WWOX: variants seen among roughly 807,000 people sequenced by gnomAD.
WWOX encodes WW domain containing oxidoreductase.
In WWOX, 69 loss-of-function variants were observed where a neutral mutation model predicts 46.2. The ratio of observed to expected loss-of-function variants is 1.49; its 90% CI spans 1.23 to 1.82. WWOX has a LOEUF of 1.82. Ranked by LOEUF, WWOX falls within the 40% of genes most tolerant of loss-of-function variation. The pLI is 0.00. For synonymous variants in WWOX, 359 were observed against 202.6 expected, an observed-to-expected ratio of 1.77 and a Z score of -6.56; for missense variants, 919 against 542.6, an observed-to-expected ratio of 1.69 and a Z score of -6.89.
At chr16:78,900,855 AAAAAAAG>A (rs2044814159) in intron 8 of WWOX, among the ~76,000 whole-genome samples, 2 of 151,864 alleles carry the variant, frequency 1.3e-5, no homozygotes, top group South Asian at 4.1e-4. Flanking sequence ...TTGAAAAAAA[AAAAAAAG>A]AAAAAGATAG....
At chr16:78,334,804 A>G (rs550336085) in intron 5 of WWOX, among the ~76,000 whole-genome samples, 5,886 of 57,912 alleles carry the variant, frequency 0.1, 383 homozygotes, top group African/African-American at 0.29. Flanking sequence ...ACACACACAC[A>G]CACGCACACA....
intron 5 of WWOX, among the ~76,000 whole-genome samples, chr16:78,201,887 G>C (rs1003307701): frequency 1.1e-4 from 17 of 151,864 alleles, no homozygotes; most frequent in African/African-American, 4.1e-4. Flanking sequence ...TTTTAGTAGA[G>C]ACGGGATTTT....
intron 8 of WWOX, among the ~76,000 whole-genome samples, chr16:79,166,129 A>G (rs933790541): frequency 2.0e-5 from 3 of 152,178 alleles, no homozygotes; most frequent in African/African-American, 7.2e-5. Flanking sequence ...GCCGAAGTCC[A>G]TTCTTGACTT....
chr16:78,731,403 C>G (rs938309904), intron 8 of WWOX, among the ~76,000 whole-genome samples: 2 of 152,104 alleles, frequency 1.3e-5, no homozygotes, highest in East Asian at 3.9e-4. Context: ...TACTACGGCT[C>G]CTTGGGAAAT....
At chr16:78,649,611 G>A (rs1244951286) in intron 8 of WWOX, among the ~76,000 whole-genome samples, 2 of 152,156 alleles carry the variant, frequency 1.3e-5, no homozygotes, top group African/African-American at 4.8e-5. Context: ...CATGACCTTG[G>A]CCTTTCCCAC....
intron 8 of WWOX, among the ~76,000 whole-genome samples, chr16:79,172,204 C>A (rs1055419610): frequency 6.6e-6 from 1 of 152,098 alleles, no homozygotes; most frequent in Non-Finnish European, 1.5e-5. Flanking sequence ...AAAATAATGC[C>A]CTTGTTTTAT....
chr16:79,019,179 A>AG (rs2047479184), intron 8 of WWOX, among the ~76,000 whole-genome samples: 3 of 53,988 alleles, frequency 5.6e-5, no homozygotes, highest in Admixed American at 3.6e-4. Context: ...AAAAAAAAAA[A>AG]AAAAAAGAAA....
chr16:79,009,506 C>T (rs1319636624), intron 8 of WWOX, among the ~76,000 whole-genome samples: 3 of 151,942 alleles, frequency 2.0e-5, no homozygotes, highest in Non-Finnish European at 2.9e-5. Context: ...TTCGCTGTGT[C>T]ACCTAGGCTG....
chr16:78,322,624 G>C (rs540305763), intron 5 of WWOX, among the ~76,000 whole-genome samples: 140 of 152,308 alleles, frequency 9.2e-4, no homozygotes, highest in African/African-American at 3.2e-3. Flanking sequence ...ATCTTCTGAA[G>C]CAACTCTTCA....
At chr16:78,149,549 C>T (rs1369189837) in intron 4 of WWOX, among the ~76,000 whole-genome samples, 1 of 152,196 alleles carries the variant, frequency 6.6e-6, no homozygotes, top group African/African-American at 2.4e-5. Context: ...CTGAAGAGAC[C>T]TCAATTCTGT....
intron 5 of WWOX, among the ~76,000 whole-genome samples, chr16:78,199,399 A>G (rs569662660): frequency 2.6e-5 from 4 of 152,316 alleles, no homozygotes; most frequent in South Asian, 2.1e-4. Context: ...ACTGTAAAAT[A>G]TGAGAAGCAA....
intron 8 of WWOX, among the ~76,000 whole-genome samples, chr16:78,935,447 C>T (rs1011341734): frequency 1.3e-5 from 2 of 152,100 alleles, no homozygotes; most frequent in African/African-American, 2.4e-5. Context: ...GAGTTCATGT[C>T]TCTTGTAGGG....
intron 8 of WWOX, among the ~76,000 whole-genome samples, chr16:79,172,922 G>A (rs1038593638): frequency 2.0e-5 from 3 of 152,044 alleles, no homozygotes; most frequent in African/African-American, 7.2e-5. Context: ...TCAGGGGGCT[G>A]AGGCAGGAAG....
At chr16:78,551,651 C>G (rs1034784948) in intron 8 of WWOX, 1 of 149,024 alleles carries the variant, frequency 6.7e-6, no homozygotes, top group African/African-American at 2.6e-5. Context: ...ACTGCCCCCG[C>G]CCCACCTGCC....
At chr16:78,200,797 T>C (rs932110854) in intron 5 of WWOX, among the ~76,000 whole-genome samples, 3 of 152,082 alleles carry the variant, frequency 2.0e-5, no homozygotes, top group African/African-American at 7.2e-5. Flanking sequence ...GTGGAAGCAC[T>C]TTGCACGTGT....
chr16:78,478,000 A>G (rs913564246), intron 8 of WWOX, among the ~76,000 whole-genome samples: 1 of 152,224 alleles, frequency 6.6e-6, no homozygotes, highest in African/African-American at 2.4e-5. Flanking sequence ...TCTATTTTTT[A>G]ATACCTAACA....
At chr16:78,770,784 T>C (rs1346213624) in intron 8 of WWOX, among the ~76,000 whole-genome samples, 1 of 82,242 alleles carries the variant, frequency 1.2e-5, no homozygotes, top group East Asian at 2.2e-4. Flanking sequence ...TGGCGTCCGC[T>C]GGCAAAGGGG....
At chr16:78,936,882 G>A (rs1402081191) in intron 8 of WWOX, among the ~76,000 whole-genome samples, 2 of 152,150 alleles carry the variant, frequency 1.3e-5, no homozygotes, top group African/African-American at 4.8e-5. Context: ...GTATTACAGG[G>A]TGTCACCTGC....
chr16:78,900,953 A>T (rs2044816950), intron 8 of WWOX, among the ~76,000 whole-genome samples: 2 of 152,146 alleles, frequency 1.3e-5, no homozygotes, highest in Non-Finnish European at 2.9e-5. Flanking sequence ...AGCACTAATT[A>T]ATCTCTCTAG....
Sources: gnomAD v4.1 joint callset for allele counts (sites outside exome capture counted in the v4.1 genomes callset) on GRCh38, gnomAD v4.1.1 for gene constraint, MANE v1.5 for transcripts, NCBI Gene and HGNC (gene_info 2026-07-23, HGNC 2026-07-21) for gene names.